The following TYW1 variants were observed in gnomAD, a reference collection of about 807,000 sequenced individuals.
TYW1 encodes tRNA-yW synthesizing protein 1 homolog, also known as S-adenosyl-L-methionine-dependent tRNA 4-demethylwyosine synthase TYW1.
A neutral mutation model predicts 96.2 loss-of-function variants in TYW1; 46 were observed. That is an observed-to-expected ratio of 0.48 (90% CI 0.38 to 0.61). The LOEUF (loss-of-function observed/expected upper bound fraction) is 0.61, where lower values mean the gene tolerates loss of function less well. Ranked by LOEUF, TYW1 falls within the 20% of genes least tolerant of loss-of-function variation. TYW1 has a pLI of 0.00. For missense variants in TYW1, 684 were observed against 909.6 expected, an observed-to-expected ratio of 0.75 and a Z score of 3.19; for synonymous variants, 274 against 323.0, an observed-to-expected ratio of 0.85 and a Z score of 1.63.
chr7:67,160,033 A>AC (rs1799111956), intron 13 of TYW1, among the ~76,000 whole-genome samples: 1 of 151,886 alleles, frequency 6.6e-6, no homozygotes, highest in Non-Finnish European at 1.5e-5. Context: ...CGATCTCCTG[A>AC]CCTCGTGATC....
chr7:67,069,449 A>G (rs1386841359), intron 10 of TYW1, among the ~76,000 whole-genome samples: 1 of 152,176 alleles, frequency 6.6e-6, no homozygotes, highest in African/African-American at 2.4e-5. Context: ...TTACAATCCA[A>G]AAATACTGGC....
At chr7:67,046,204 GC>G (rs1182835690) in intron 7 of TYW1, among the ~76,000 whole-genome samples, 1 of 152,108 alleles carries the variant, frequency 6.6e-6, no homozygotes, top group African/African-American at 2.4e-5. Context: ...GATCTGATTG[GC>G]GCATGCCCTG....
intron 13 of TYW1, among the ~76,000 whole-genome samples, chr7:67,143,355 AT>A (rs1217625391): frequency 6.6e-6 from 1 of 152,222 alleles, no homozygotes; most frequent in Non-Finnish European, 1.5e-5. Flanking sequence ...CAGAAAAGGC[AT>A]TCTGCAAGAA....
chr7:67,143,867 C>T (rs1798524086), intron 13 of TYW1, among the ~76,000 whole-genome samples: 3 of 152,080 alleles, frequency 2.0e-5, no homozygotes, highest in South Asian at 2.1e-4. Context: ...GCTGAGAAAG[C>T]GTTTTTTGGT....
At chr7:67,106,789 A>G (rs1366282859) in intron 12 of TYW1, among the ~76,000 whole-genome samples, 2 of 152,078 alleles carry the variant, frequency 1.3e-5, no homozygotes, top group Non-Finnish European at 2.9e-5. Context: ...TTTTTTGGTG[A>G]GTACTGTAAA....
At chr7:67,058,029 G>A (rs1468585895) in intron 9 of TYW1, among the ~76,000 whole-genome samples, 2 of 151,984 alleles carry the variant, frequency 1.3e-5, no homozygotes, top group Non-Finnish European at 2.9e-5. Flanking sequence ...CTGCCTCCCG[G>A]GTTCACGCCA....
intron 13 of TYW1, among the ~76,000 whole-genome samples, chr7:67,180,102 C>T (rs1438546731): frequency 7.6e-6 from 1 of 131,786 alleles, no homozygotes; most frequent in Non-Finnish European, 1.6e-5. Flanking sequence ...GCTGAGATTA[C>T]AGGCGTGAGC....
intron 15 of TYW1, among the ~76,000 whole-genome samples, chr7:67,225,748 G>A (rs544090668): frequency 1.6e-5 from 2 of 121,486 alleles, no homozygotes; most frequent in Non-Finnish European, 3.6e-5. Context: ...TGGAGATTAA[G>A]GTTGAAACTT....
At chr7:67,116,932 T>C (rs1797614147) in intron 12 of TYW1, among the ~76,000 whole-genome samples, 1 of 152,204 alleles carries the variant, frequency 6.6e-6, no homozygotes. Context: ...AAATGGGTCA[T>C]TGTTTGCCCA....
chr7:67,162,320 A>T, intron 13 of TYW1, among the ~76,000 whole-genome samples: 1 of 81,788 alleles, frequency 1.2e-5, no homozygotes, highest in African/African-American at 6.4e-5. Context: ...TCTCAAAAAA[A>T]AAAAAAAAAA....
intron 4 of TYW1, among the ~76,000 whole-genome samples, chr7:67,013,874 G>C (rs957215512): frequency 6.6e-6 from 1 of 151,242 alleles, no homozygotes; most frequent in African/African-American, 2.4e-5. Flanking sequence ...CTCCTGAGTA[G>C]CTGGGACTAC....
chr7:67,066,185 G>C (rs1168256032), intron 9 of TYW1, among the ~76,000 whole-genome samples: 2 of 152,014 alleles, frequency 1.3e-5, no homozygotes, highest in Non-Finnish European at 2.9e-5. Flanking sequence ...CTCCTCAGTG[G>C]GGAATGACAT....
chr7:67,178,707 A>G (rs182116826), intron 13 of TYW1, among the ~76,000 whole-genome samples: 105 of 152,244 alleles, frequency 6.9e-4, no homozygotes, highest in African/African-American at 2.5e-3. Flanking sequence ...CCACTGACAT[A>G]AATTCCAAAC....
At chr7:67,211,745 C>G (rs1231367826) in intron 15 of TYW1, among the ~76,000 whole-genome samples, 1 of 152,194 alleles carries the variant, frequency 6.6e-6, no homozygotes, top group Non-Finnish European at 1.5e-5. Flanking sequence ...CTTCACTATT[C>G]GACTGCAGTG....
At chr7:67,017,207 T>G (rs1401228759) in intron 5 of TYW1, among the ~76,000 whole-genome samples, 1 of 152,104 alleles carries the variant, frequency 6.6e-6, no homozygotes, top group Non-Finnish European at 1.5e-5. Context: ...GGTCTTGAAC[T>G]CCTGGCCTGA....
At chr7:67,040,120 C>T (rs1400547551) in intron 7 of TYW1, among the ~76,000 whole-genome samples, 1 of 151,984 alleles carries the variant, frequency 6.6e-6, no homozygotes, top group Non-Finnish European at 1.5e-5. Flanking sequence ...CCATGCCTGC[C>T]TAATTTTTGT....
intron 10 of TYW1, among the ~76,000 whole-genome samples, chr7:67,074,314 CTCT>C (rs775620037): frequency 5.1e-4 from 78 of 152,128 alleles, no homozygotes; most frequent in Non-Finnish European, 9.9e-4. Flanking sequence ...AAATCCTAAT[CTCT>C]TCTTAAGATT....
At chr7:67,189,437 G>GTGTA (rs796646154) in intron 14 of TYW1, among the ~76,000 whole-genome samples, 3 of 149,886 alleles carry the variant, frequency 2.0e-5, no homozygotes, top group African/African-American at 4.8e-5. Flanking sequence ...TGTGTGGTAT[G>GTGTA]TGTATGTATG....
At chr7:67,139,903 C>T (rs949316261) in intron 13 of TYW1, among the ~76,000 whole-genome samples, 2 of 151,968 alleles carry the variant, frequency 1.3e-5, no homozygotes, top group African/African-American at 4.8e-5. Context: ...GGAACAGAAT[C>T]CCTTGGGTGT....
Sources: allele counts gnomAD v4.1 joint callset (sites outside exome capture counted in the v4.1 genomes callset), GRCh38; gene constraint gnomAD v4.1.1; transcripts MANE v1.5; gene names NCBI Gene and HGNC (gene_info 2026-07-23, HGNC 2026-07-21).